The following HHLA2 variants were observed in gnomAD, a reference collection of about 807,000 sequenced individuals.
HHLA2 encodes the protein HHLA2 member of B7 family, also known as HERV-H LTR-associating protein 2.
HHLA2 carries 48 observed loss-of-function variants against 45.9 expected under a neutral mutation model. The ratio of observed to expected loss-of-function variants is 1.05; its 90% CI spans 0.83 to 1.33. The LOEUF (loss-of-function observed/expected upper bound fraction) is 1.33, where lower values mean the gene tolerates loss of function less well. HHLA2 is among the 40% of genes most tolerant of loss of function. The pLI is 0.00. For synonymous variants in HHLA2, 161 were observed against 173.9 expected (o/e 0.93, Z 0.59); for missense variants, 462 against 494.3 (o/e 0.93, Z 0.62).
chr3:108,309,749 G>C (rs988794757), intron 1 of HHLA2, among the ~76,000 whole-genome samples: 1 of 152,056 alleles, frequency 6.6e-6, no homozygotes, highest in Non-Finnish European at 1.5e-5. Flanking sequence ...CATGGTTAAA[G>C]TAATGTCTGT....
intron 8 of HHLA2, among the ~76,000 whole-genome samples, chr3:108,367,392 G>A (rs1342116263): frequency 6.6e-6 from 1 of 152,022 alleles, no homozygotes; most frequent in Non-Finnish European, 1.5e-5. Flanking sequence ...CAGAAGGTGG[G>A]TAATAACAAA....
At chr3:108,336,389 T>C (rs143428484) in intron 3 of HHLA2, among the ~76,000 whole-genome samples, 5 of 152,292 alleles carry the variant, frequency 3.3e-5, no homozygotes, top group Admixed American at 1.3e-4. Flanking sequence ...GAGGAGGGAC[T>C]GATGTGTCTA....
chr3:108,332,528 A>G (rs1055367255), intron 3 of HHLA2, among the ~76,000 whole-genome samples: 3 of 152,168 alleles, frequency 2.0e-5, no homozygotes, highest in African/African-American at 7.2e-5. Flanking sequence ...TGATTATTAT[A>G]ACAGAGTCCT....
Position 108,353,422 on chromosome 3 carries a change from T to TCTAC in HHLA2, c.65-5_65-4insCTAC, listed in dbSNP as rs544431628. The TCTAC allele has an allele frequency of 1.8e-4, 270 of 1,537,452 alleles. 1 individual carries two copies. In the African/African-American group the frequency reaches 3.4e-3, roughly 19 times the overall value. On this transcript the variant is annotated splice_polypyrimidine_tract_variant and splice_region_variant and intron_variant, in intron 4 of 10. Coordinates refer to ENST00000619531, the Ensembl canonical transcript of HHLA2. Reference sequence around the variant, plus strand: ...TCTTTATAACTTCTCTGCTCTTGACTGTAGGCATATTCCCTTTGGCTTTCT... The same window carrying TCTAC: ...TCTTTATAACTTCTCTGCTCTTGACTCTACGTAGGCATATTCCCTTTGGCTTTCT...
chr3:108,328,892 A>T (rs753573266), intron 3 of HHLA2, among the ~76,000 whole-genome samples: 6 of 152,118 alleles, frequency 3.9e-5, no homozygotes, highest in Non-Finnish European at 8.8e-5. Flanking sequence ...TGGATTAAGT[A>T]TGGGGTCTCT....
chr3:108,377,949 C>G (rs9880434), exon 11 of HHLA2: 15,376 of 152,128 alleles, frequency 0.1, 1,159 homozygotes, highest in African/African-American at 0.21. Context: ...ACTGAAGATC[C>G]ACAAAAGAAG....
At chr3:108,342,347 T>G (rs2081588814) in intron 3 of HHLA2, among the ~76,000 whole-genome samples, 1 of 134,768 alleles carries the variant, frequency 7.4e-6, no homozygotes, top group South Asian at 2.5e-4. Context: ...TACTGCAACC[T>G]CCGACTTCCA....
At chr3:108,298,492 T>G (rs1243214079) in intron 1 of HHLA2, among the ~76,000 whole-genome samples, 1 of 152,358 alleles carries the variant, frequency 6.6e-6, no homozygotes, top group African/African-American at 2.4e-5. Context: ...CAGTATATAT[T>G]TGCAGGCCCC....
At chr3:108,348,898 T>A (rs2107445755) in intron 3 of HHLA2, among the ~76,000 whole-genome samples, 1 of 152,100 alleles carries the variant, frequency 6.6e-6, no homozygotes, top group African/African-American at 2.4e-5. Context: ...TTTGGTTTTC[T>A]GATCTTGTGA....
chr3:108,349,824 G>A (rs530003274), intron 3 of HHLA2, among the ~76,000 whole-genome samples: 38 of 152,316 alleles, frequency 2.5e-4, no homozygotes, highest in Non-Finnish European at 4.0e-4. Flanking sequence ...TGAAGTAAGA[G>A]CATCAGCTGG....
chr3:108,328,303 G>A, exon 3 of HHLA2: 1 of 1,529,466 alleles, frequency 6.5e-7, no homozygotes, highest in Non-Finnish European at 8.7e-7. Flanking sequence ...CACAGATTGT[G>A]ATGGTGATGT....
chr3:108,367,597 A>G (rs1294729959), intron 8 of HHLA2, among the ~76,000 whole-genome samples: 1 of 151,890 alleles, frequency 6.6e-6, no homozygotes, highest in East Asian at 1.9e-4. Context: ...AAGCAGAAGA[A>G]AGGATATCAG....
In HHLA2 at chr3:108,342,660, A is replaced by G. The variant is rs144327374; in HGVS notation, c.-26-9128A>G. On this transcript the variant is annotated intron_variant, in intron 3 of 10. Transcript: ENST00000619531. ...TAGCTTTCTAGTATGGCTTAAAATA[A>G]TGGTCATGCTGTACCCCTGGGACAT... Among the ~76,000 whole-genome samples the G allele has an allele frequency of 3.3e-5, 5 of 152,280 alleles. 1 individual carries two copies. In the East Asian group the frequency reaches 9.7e-4, roughly 29 times the overall value.
rs2081197840 is a variant in HHLA2, at chr3:108,321,305, A to G, written c.-104-6965A>G. Among the ~76,000 whole-genome samples, 3 of 152,040 alleles carry G rather than the reference A, an allele frequency of 2.0e-5. No individual in the cohort carries two copies. The South Asian group carries it at 6.2e-4, about 31-fold the overall frequency. ...ATCACGTTGTCGTCTTTATTGGTTT[A>G]TACTCTTATTTTGGTGGAGCACATT... On this transcript the variant is annotated intron_variant, in intron 2 of 10. Transcript: ENST00000619531.
chr3:108,337,077 G>T (rs1456773921), intron 3 of HHLA2, among the ~76,000 whole-genome samples: 1 of 152,078 alleles, frequency 6.6e-6, no homozygotes, highest in Non-Finnish European at 1.5e-5. Flanking sequence ...TCAAAGTGGG[G>T]GGTCTGCAGA....
chr3:108,351,781 T>A lies in HHLA2; in HGVS notation c.-26-7T>A, dbSNP rs1472090766. On this transcript the variant is annotated splice_region_variant and splice_polypyrimidine_tract_variant and intron_variant, in intron 3 of 10. Coordinates refer to ENST00000619531, the Ensembl canonical transcript of HHLA2. Reference sequence around the variant, plus strand: ...CATAACATGTGCACTTTACTTCTCTTTGATAGCATGACTAATATGTTCTGC... The same window carrying A: ...CATAACATGTGCACTTTACTTCTCTATGATAGCATGACTAATATGTTCTGC... 2 of 1,599,330 alleles carry A rather than the reference T, an allele frequency of 1.3e-6. No homozygotes were observed. Among genetic ancestry groups the A allele is most frequent in the Admixed American group, 3.4e-5 (2 of 59,444 alleles).
chr3:108,325,213 T>C (rs563678332), intron 2 of HHLA2, among the ~76,000 whole-genome samples: 52 of 152,194 alleles, frequency 3.4e-4, no homozygotes, highest in Middle Eastern at 3.4e-3. Flanking sequence ...CATTTAGAAA[T>C]AAACAGCATG....
chr3:108,361,124 G>A (rs1384668134), intron 7 of HHLA2, among the ~76,000 whole-genome samples: 3 of 152,156 alleles, frequency 2.0e-5, no homozygotes, highest in African/African-American at 4.8e-5. Flanking sequence ...TTCTAGTCCT[G>A]ACCAAGATGC....
At chr3:108,308,607 G>A (rs1406730512) in intron 1 of HHLA2, among the ~76,000 whole-genome samples, 2 of 152,062 alleles carry the variant, frequency 1.3e-5, no homozygotes, top group Non-Finnish European at 2.9e-5. Flanking sequence ...TCATACTGTT[G>A]TACTAATTTA....
Sources: gnomAD v4.1 joint callset for allele counts (sites outside exome capture counted in the v4.1 genomes callset) on GRCh38, gnomAD v4.1.1 for gene constraint, MANE v1.5 for transcripts, NCBI Gene and HGNC (gene_info 2026-07-23, HGNC 2026-07-21) for gene names.